The following ARHGAP44 variants were observed in gnomAD, a reference collection of about 807,000 sequenced individuals.
ARHGAP44 encodes the protein rho GTPase-activating protein 44.
Under a neutral mutation model 106.8 loss-of-function variants are expected in ARHGAP44, and 43 were observed. That is an observed-to-expected ratio of 0.40 (90% CI 0.32 to 0.52). The LOEUF (loss-of-function observed/expected upper bound fraction) is 0.52, where lower values mean the gene tolerates loss of function less well. Among genes scored for constraint, ARHGAP44 ranks in the 20% least tolerant of loss-of-function variants. The pLI is 0.48. For synonymous variants in ARHGAP44, 439 were observed against 410.3 expected (o/e 1.07, Z -0.85); for missense variants, 866 against 1,050.5 (o/e 0.82, Z 2.43).
At chr17:12,984,024 AG>A (rs1247834328) in intron 19 of ARHGAP44, among the ~76,000 whole-genome samples, 2 of 152,228 alleles carry the variant, frequency 1.3e-5, no homozygotes, top group African/African-American at 4.8e-5. Context: ...TAGGGGAGCC[AG>A]AAGCCACTGG....
At chr17:12,817,847 A>G (rs2034641671) in intron 1 of ARHGAP44, among the ~76,000 whole-genome samples, 1 of 152,020 alleles carries the variant, frequency 6.6e-6, no homozygotes, top group Non-Finnish European at 1.5e-5. Context: ...AAAAGTGGAG[A>G]TAATTGGAAT....
intron 1 of ARHGAP44, among the ~76,000 whole-genome samples, chr17:12,884,015 T>C (rs960363075): frequency 6.6e-6 from 1 of 152,156 alleles, no homozygotes; most frequent in African/African-American, 2.4e-5. Flanking sequence ...TGAGTTAAAG[T>C]TTTCTAACAT....
intron 1 of ARHGAP44, among the ~76,000 whole-genome samples, chr17:12,803,872 A>G (rs1239901115): frequency 6.6e-6 from 1 of 152,190 alleles, no homozygotes; most frequent in East Asian, 1.9e-4. Flanking sequence ...TTAGAAATTT[A>G]CAATCTATAT....
chr17:12,850,150 C>T (rs148594028), intron 1 of ARHGAP44, among the ~76,000 whole-genome samples: 1 of 152,112 alleles, frequency 6.6e-6, no homozygotes, highest in African/African-American at 2.4e-5. Flanking sequence ...GCCGAGGAAA[C>T]TCAGAGAACA....
At chr17:12,875,399 G>C (rs2036522471) in intron 1 of ARHGAP44, among the ~76,000 whole-genome samples, 1 of 152,086 alleles carries the variant, frequency 6.6e-6, no homozygotes, top group South Asian at 2.1e-4. Flanking sequence ...TTTGAGACCA[G>C]CCTGGACAAC....
chr17:12,900,225 G>T (rs537502894), intron 3 of ARHGAP44, among the ~76,000 whole-genome samples: 1 of 152,006 alleles, frequency 6.6e-6, no homozygotes, highest in Non-Finnish European at 1.5e-5. Flanking sequence ...TGCCTCCCGG[G>T]TTCAAACAAT....
intron 1 of ARHGAP44, among the ~76,000 whole-genome samples, chr17:12,885,994 G>A (rs989296234): frequency 6.6e-6 from 1 of 151,910 alleles, no homozygotes; most frequent in South Asian, 2.1e-4. Flanking sequence ...TTTAATTGAA[G>A]TGTGTGATCT....
chr17:12,906,960 C>CAAACA lies in ARHGAP44; in HGVS notation c.199-1934_199-1933insCAAAA, dbSNP rs1555554169. Among the ~76,000 whole-genome samples, 70 of 142,546 alleles carry CAAACA rather than the reference C, an allele frequency of 4.9e-4. No homozygotes were observed. The East Asian group carries it at 0.012, about 25-fold the overall frequency. 93.5% of individuals were successfully genotyped at this position (142,546 alleles called of 152,430 possible). A position where few individuals can be genotyped will look rare whatever the true frequency, so the allele number is the denominator to read the frequency against. ...GTATCAAAAAACAAAACAAAACAAA[C>CAAACA]AAAAAAAACAGAAAAAAAGGAAAGA... On this transcript the variant is annotated intron_variant, in intron 3 of 20. Transcript: ENST00000379672.
rs146073664 is a variant in ARHGAP44, at chr17:12,853,719, TTC to T, written c.54-41217_54-41216del. On this transcript the variant is annotated intron_variant, in intron 1 of 20. Transcript: ENST00000379672. ...AGACATGACAGAGTTAACTCGCATTTTCTCTGTTATCAGGGCGGCTTTTGTTA... is the reference window on the plus strand; with the variant it reads ...AGACATGACAGAGTTAACTCGCATTTTCTGTTATCAGGGCGGCTTTTGTTA... Among the ~76,000 whole-genome samples, 62 of 152,308 alleles carry T rather than the reference TTC, an allele frequency of 4.1e-4. No individual in the cohort carries two copies. In the East Asian group the frequency reaches 0.012, roughly 28 times the overall value.
At chr17:12,817,104 G>C (rs2034620469) in intron 1 of ARHGAP44, among the ~76,000 whole-genome samples, 2 of 151,994 alleles carry the variant, frequency 1.3e-5, no homozygotes, top group South Asian at 4.1e-4. Context: ...CTAGAAATCT[G>C]TAACAGAAAG....
At chr17:12,852,654 G>C (rs2035788915) in intron 1 of ARHGAP44, among the ~76,000 whole-genome samples, 1 of 151,050 alleles carries the variant, frequency 6.6e-6, no homozygotes, top group African/African-American at 2.4e-5. Context: ...CCGTTCTCCT[G>C]CCTCAGCCTC....
chr17:12,931,271 C>T (rs777132917), intron 7 of ARHGAP44, among the ~76,000 whole-genome samples: 5 of 151,700 alleles, frequency 3.3e-5, no homozygotes, highest in South Asian at 2.1e-4. Flanking sequence ...AGGGTTTCGC[C>T]GTGTTGGCCA....
chr17:12,887,162 T>C (rs866646690), intron 1 of ARHGAP44, among the ~76,000 whole-genome samples: 8 of 152,176 alleles, frequency 5.3e-5, no homozygotes, highest in African/African-American at 1.4e-4. Context: ...TTATTCATAA[T>C]GGTGAATTAG....
At chr17:12,917,620 C>T (rs1598051286) in intron 5 of ARHGAP44, among the ~76,000 whole-genome samples, 3 of 152,100 alleles carry the variant, frequency 2.0e-5, no homozygotes, top group African/African-American at 7.2e-5. Flanking sequence ...AACACCCTCT[C>T]AGCTACACCC....
intron 7 of ARHGAP44, among the ~76,000 whole-genome samples, chr17:12,934,595 A>G (rs989123820): frequency 5.3e-5 from 8 of 152,234 alleles, no homozygotes; most frequent in African/African-American, 9.6e-5. Flanking sequence ...TGGGAAGCCA[A>G]CTGGTGGCAG....
intron 1 of ARHGAP44, among the ~76,000 whole-genome samples, chr17:12,807,664 C>A (rs550394708): frequency 6.6e-6 from 1 of 152,176 alleles, no homozygotes; most frequent in Non-Finnish European, 1.5e-5. Flanking sequence ...GGGTCCCTCT[C>A]GCAACATGTG....
At chr17:12,812,440 T>G (rs556258174) in intron 1 of ARHGAP44, among the ~76,000 whole-genome samples, 1 of 152,292 alleles carries the variant, frequency 6.6e-6, no homozygotes, top group South Asian at 2.1e-4. Flanking sequence ...CATGCAAATC[T>G]AAGACCTGGA....
At chr17:12,952,465 G>A (rs761164287) in intron 12 of ARHGAP44, 36 bp from the exon 13 acceptor site, 40 of 1,467,016 alleles carry the variant, frequency 2.7e-5, no homozygotes, top group Admixed American at 9.8e-5. Flanking sequence ...TTATTGATTC[G>A]TGCTCAACCA....
chr17:12,887,216 T>C (rs142075281), intron 1 of ARHGAP44, among the ~76,000 whole-genome samples: 1 of 152,290 alleles, frequency 6.6e-6, no homozygotes, highest in East Asian at 1.9e-4. Flanking sequence ...CTGAATTACA[T>C]TTGCATTGAC....
Sources: gnomAD v4.1 joint callset for allele counts (sites outside exome capture counted in the v4.1 genomes callset) on GRCh38, gnomAD v4.1.1 for gene constraint, MANE v1.5 for transcripts, NCBI Gene and HGNC (gene_info 2026-07-23, HGNC 2026-07-21) for gene names.